The following EXOC4 variants were observed in gnomAD, a reference collection of about 807,000 sequenced individuals.
EXOC4 encodes exocyst complex component 4.
A neutral mutation model predicts 107.2 loss-of-function variants in EXOC4; 71 were observed. That is an observed-to-expected ratio of 0.66 (90% CI 0.55 to 0.81). The LOEUF is 0.81. EXOC4 is among the 30% of genes least tolerant of loss of function. The pLI, the probability that EXOC4 is intolerant of heterozygous loss-of-function variation, is 0.00. For synonymous variants in EXOC4, 456 were observed against 441.2 expected (o/e 1.03, Z -0.42); for missense variants, 1,108 against 1,189.6 (o/e 0.93, Z 1.01).
intron 9 of EXOC4, among the ~76,000 whole-genome samples, chr7:133,524,651 C>T (rs1301318945): frequency 6.6e-6 from 1 of 151,754 alleles, no homozygotes; most frequent in Non-Finnish European, 1.5e-5. Context: ...TTTCAGCTTT[C>T]TACATATGGC....
chr7:133,622,760 A>G (rs2151007763), intron 9 of EXOC4, among the ~76,000 whole-genome samples: 1 of 152,270 alleles, frequency 6.6e-6, no homozygotes, highest in South Asian at 2.1e-4. Flanking sequence ...AAACTCCATC[A>G]CAATATCAGG....
intron 14 of EXOC4, among the ~76,000 whole-genome samples, chr7:133,990,050 T>G (rs894958439): frequency 3.3e-5 from 5 of 152,218 alleles, no homozygotes; most frequent in African/African-American, 1.2e-4. Flanking sequence ...GATATTTTGA[T>G]AAATGTATAC....
intron 10 of EXOC4, among the ~76,000 whole-genome samples, chr7:133,764,496 C>T (rs1796097073): frequency 6.6e-6 from 1 of 151,956 alleles, no homozygotes; most frequent in South Asian, 2.1e-4. Flanking sequence ...GGACTTAGCC[C>T]AGGAGTGTGG....
chr7:133,898,075 T>C (rs1164304484), intron 12 of EXOC4, among the ~76,000 whole-genome samples: 3 of 130,548 alleles, frequency 2.3e-5, no homozygotes, highest in African/African-American at 8.4e-5. Flanking sequence ...TAAGTTCAAC[T>C]CTTTTAGAGT....
intron 5 of EXOC4, among the ~76,000 whole-genome samples, chr7:133,325,250 A>G (rs112911470): frequency 0.23 from 34,976 of 152,132 alleles, 4,135 homozygotes; most frequent in South Asian, 0.31. Context: ...TGGTCCTGTC[A>G]TTATGATGTT....
At chr7:133,494,207 A>G (rs542282315) in intron 9 of EXOC4, among the ~76,000 whole-genome samples, 9 of 152,334 alleles carry the variant, frequency 5.9e-5, no homozygotes, top group Non-Finnish European at 1.0e-4. Context: ...GTCTATCTAC[A>G]GATTGGAAAG....
chr7:133,985,819 G>A (rs1337104579), intron 14 of EXOC4, among the ~76,000 whole-genome samples: 2 of 152,104 alleles, frequency 1.3e-5, no homozygotes, highest in African/African-American at 2.4e-5. Context: ...CCATAGAACA[G>A]CACATATAAT....
intron 9 of EXOC4, among the ~76,000 whole-genome samples, chr7:133,606,194 A>T (rs190189127): frequency 1.3e-5 from 2 of 152,076 alleles, no homozygotes; most frequent in East Asian, 3.9e-4. Context: ...AATCCCCTAC[A>T]AGTCTTCTGG....
chr7:133,356,039 G>GC (rs1796013310), intron 5 of EXOC4, among the ~76,000 whole-genome samples: 1 of 152,124 alleles, frequency 6.6e-6, no homozygotes, highest in Non-Finnish European at 1.5e-5. Context: ...AATGTCATGA[G>GC]CCAGTGGACT....
chr7:133,961,279 A>AATTTT (rs1800936277), intron 14 of EXOC4, among the ~76,000 whole-genome samples: 1 of 63,494 alleles, frequency 1.6e-5, no homozygotes, highest in African/African-American at 6.3e-5. Flanking sequence ...CTCATGTCAA[A>AATTTT]CTTTTTTTTT....
intron 9 of EXOC4, among the ~76,000 whole-genome samples, chr7:133,523,688 T>C (rs1800025029): frequency 6.6e-6 from 1 of 151,216 alleles, no homozygotes; most frequent in Admixed American, 6.6e-5. Context: ...TGAGAATATG[T>C]GGTATTTGGT....
chr7:133,973,834 T>C (rs1334975896), intron 14 of EXOC4, among the ~76,000 whole-genome samples: 1 of 152,208 alleles, frequency 6.6e-6, no homozygotes, highest in Non-Finnish European at 1.5e-5. Context: ...AGAACAGAGA[T>C]TTATTTCTTA....
chr7:134,042,552 G>A (rs1470702453), intron 17 of EXOC4, among the ~76,000 whole-genome samples: 1 of 152,170 alleles, frequency 6.6e-6, no homozygotes, highest in Non-Finnish European at 1.5e-5. Flanking sequence ...TGTCGATTAC[G>A]ACAGAGGCCT....
chr7:133,654,391 G>C (rs1328179737), intron 10 of EXOC4, among the ~76,000 whole-genome samples: 1 of 152,058 alleles, frequency 6.6e-6, no homozygotes, highest in Admixed American at 6.6e-5. Context: ...TAAGTTTTAT[G>C]GGATTATTAG....
chr7:133,299,339 A>G (rs2150559783), intron 3 of EXOC4, among the ~76,000 whole-genome samples: 1 of 152,276 alleles, frequency 6.6e-6, no homozygotes, highest in South Asian at 2.1e-4. Context: ...TCTCTCAGAT[A>G]CTGCCGTTCT....
chr7:133,346,069 A>G (rs1795777313), intron 5 of EXOC4, among the ~76,000 whole-genome samples: 1 of 152,174 alleles, frequency 6.6e-6, no homozygotes, highest in African/African-American at 2.4e-5. Context: ...AGAATAAAAG[A>G]TGTAAGAAGT....
Position 133,855,094 on chromosome 7 carries a change from T to TATATATATAAATATGTATATAA in EXOC4, c.1734+37564_1734+37565insGTATATAAATATATATAAATAT, listed in dbSNP as rs71162033. Among the ~76,000 whole-genome samples, 53 of 84,422 alleles carry TATATATATAAATATGTATATAA rather than the reference T, an allele frequency of 6.3e-4. 1 individual carries two copies. Among genetic ancestry groups the TATATATATAAATATGTATATAA allele is most frequent in the African/African-American group, 1.3e-3 (21 of 16,700 alleles). The allele number at this position is 84,422 out of a possible 152,430, so 55.4% of individuals were successfully genotyped here. A position where few individuals can be genotyped will look rare whatever the true frequency, so the allele number is the denominator to read the frequency against. ...CTAAATATATCTAAATATATATAAA[T>TATATATATAAATATGTATATAA]ATATATATAAATATATATAAATATA... is the stretch of plus-strand genomic sequence containing the variant. On this transcript the variant is annotated intron_variant, in intron 11 of 17. Transcript: ENST00000253861.
chr7:133,622,458 A>G (rs1260159790), intron 9 of EXOC4, among the ~76,000 whole-genome samples: 1 of 152,094 alleles, frequency 6.6e-6, no homozygotes, highest in Non-Finnish European at 1.5e-5. Flanking sequence ...AGGATGGGAT[A>G]AGTATCATCA....
At chr7:133,950,229 T>C (rs921357306) in intron 14 of EXOC4, among the ~76,000 whole-genome samples, 1 of 152,198 alleles carries the variant, frequency 6.6e-6, no homozygotes, top group African/African-American at 2.4e-5. Context: ...TAGACTGTCT[T>C]TATATGAGAA....
Sources: allele counts gnomAD v4.1 joint callset (sites outside exome capture counted in the v4.1 genomes callset), GRCh38; gene constraint gnomAD v4.1.1; transcripts MANE v1.5; gene names NCBI Gene and HGNC (gene_info 2026-07-23, HGNC 2026-07-21).